Variants in HPCAL1 observed in about 807,000 individuals in gnomAD.
HPCAL1 encodes hippocalcin-like protein 1.
A neutral mutation model predicts 17.1 loss-of-function variants in HPCAL1; 8 were observed. The ratio of observed to expected loss-of-function variants is 0.47; its 90% CI spans 0.27 to 0.84. The LOEUF (loss-of-function observed/expected upper bound fraction) is 0.84, where lower values mean the gene tolerates loss of function less well. Among genes scored for constraint, HPCAL1 ranks in the 40% least tolerant of loss-of-function variants. The pLI, the probability that HPCAL1 is intolerant of heterozygous loss-of-function variation, is 0.13. For missense variants in HPCAL1, 165 were observed against 271.1 expected (o/e 0.61, Z 2.75); for synonymous variants, 112 against 111.4 (o/e 1.01, Z -0.03).
intron 2 of HPCAL1, among the ~76,000 whole-genome samples, chr2:10,400,112 G>C (rs1669502900): frequency 6.6e-6 from 1 of 152,204 alleles, no homozygotes; most frequent in Non-Finnish European, 1.5e-5. Context: ...CCTGCAGGAG[G>C]TCAGGGACGG....
intron 2 of HPCAL1, among the ~76,000 whole-genome samples, chr2:10,415,043 T>C (rs143110343): frequency 1.3e-5 from 2 of 152,320 alleles, no homozygotes; most frequent in Non-Finnish European, 2.9e-5. Context: ...ATGGGCCCTT[T>C]TGAAGCCTAG....
rs1249077077 is a variant in HPCAL1, at chr2:10,303,452, C to A, written c.-111+275C>A. Among the ~76,000 whole-genome samples, 3 of 152,010 alleles carry A rather than the reference C, an allele frequency of 2.0e-5. No individual in the cohort carries two copies. In the East Asian group the frequency reaches 5.8e-4, roughly 29 times the overall value. ...GCGTTTGTGGAATTGTGTGTCGGGG[C>A]GCAGTTGCTGGTGGGGAGCGGTGCC... On this transcript the variant is annotated intron_variant, in intron 1 of 4. Transcript: ENST00000307845.
At chr2:10,320,133 G>A (rs187589185) in intron 1 of HPCAL1, among the ~76,000 whole-genome samples, 1 of 152,250 alleles carries the variant, frequency 6.6e-6, no homozygotes, top group East Asian at 1.9e-4. Flanking sequence ...GCACTGCTGG[G>A]CCACTGATGC....
At chr2:10,326,615 G>A (rs1052404203) in intron 1 of HPCAL1, among the ~76,000 whole-genome samples, 8 of 152,344 alleles carry the variant, frequency 5.3e-5, no homozygotes, top group Admixed American at 4.6e-4. Context: ...CTGGGTTAAG[G>A]TGGGAATCAA....
intron 1 of HPCAL1, among the ~76,000 whole-genome samples, chr2:10,316,622 T>C (rs1179807813): frequency 1.3e-5 from 2 of 152,140 alleles, no homozygotes; most frequent in Non-Finnish European, 2.9e-5. Flanking sequence ...CAGTGGAAAG[T>C]TATGAAGATG....
At chr2:10,318,960 G>A (rs1450930024) in intron 1 of HPCAL1, among the ~76,000 whole-genome samples, 1 of 152,192 alleles carries the variant, frequency 6.6e-6, no homozygotes, top group Non-Finnish European at 1.5e-5. Context: ...CGGCCTTGTA[G>A]CGTCTATATC....
rs569725768 is a variant in HPCAL1 at position 10,399,763 on chromosome 2, G to C, written c.-25+2843G>C. On this transcript the variant is annotated intron_variant, in intron 2 of 4. Transcript: ENST00000307845. ...ACAGCAGGCCGCTCCCCGGGCAGTG[G>C]AGAAGCAGCACCTGCATACTAAGGC... 2.5e-4 allele frequency among the ~76,000 whole-genome samples: 38 copies of C among 152,270 alleles called. 2 individuals are homozygous for C. Among genetic ancestry groups the C allele is most frequent in the South Asian group, 2.1e-3 (10 of 4,826 alleles).
In HPCAL1 at chr2:10,344,936, A is replaced by T. The variant is rs1413881696; in HGVS notation, c.-111+41759A>T. On this transcript the variant is annotated intron_variant, in intron 1 of 4. Coordinates refer to ENST00000307845, the MANE Select transcript of HPCAL1 (RefSeq NM_002149.4). This position sits in a 1 kb window ranked among gnomAD's most constrained non-coding sequence, Gnocchi z 4.9. ...GTGTGTCTCTCTCTCTGTGCCTTTC[A>T]GTCTCTTTCTGCCTCTCTCTATGTG... Among the ~76,000 whole-genome samples, 547 of 58,784 alleles carry T rather than the reference A, an allele frequency of 9.3e-3. No individual in the cohort carries two copies. The highest frequency in any genetic ancestry group is 0.027 in the Middle Eastern group (2 of 74). The allele number at this position is 58,784 out of a possible 152,430, so 38.6% of individuals were successfully genotyped here.
rs1264947027 is a variant in HPCAL1, at chr2:10,323,498, G to A, written c.-111+20321G>A. Among the ~76,000 whole-genome samples the A allele has an allele frequency of 1.3e-5, 2 of 152,240 alleles. No individual in the cohort carries two copies. Among genetic ancestry groups the A allele is most frequent in the African/African-American group, 4.8e-5 (2 of 41,454 alleles). Reference sequence around the variant, plus strand: ...TGGGCGCACGTTAGGTGGGATTGCTGAAGACAATGGGTGACTGAGGCAGTT... The same window carrying A: ...TGGGCGCACGTTAGGTGGGATTGCTAAAGACAATGGGTGACTGAGGCAGTT... On this transcript the variant is annotated intron_variant, in intron 1 of 4. Coordinates refer to ENST00000307845, the MANE Select transcript of HPCAL1 (RefSeq NM_002149.4). This position sits in a 1 kb window ranked among gnomAD's most constrained non-coding sequence, Gnocchi z 4.6.
In HPCAL1 at chr2:10,351,623, G is replaced by T. The variant is rs528556286; in HGVS notation, c.-110-45212G>T. ...AAAAGAAAAAAATTAGCCAGGTGTG[G>T]TGGTGTGTGCCTGTGGTCCCAGCTA... On this transcript the variant is annotated intron_variant, in intron 1 of 4. Transcript: ENST00000307845. 4.6e-5 allele frequency among the ~76,000 whole-genome samples: 7 copies of T among 152,154 alleles called. No homozygotes were observed. The South Asian group carries it at 1.5e-3, about 32-fold the overall frequency.
chr2:10,356,368 G>A (rs1666155271), intron 1 of HPCAL1, among the ~76,000 whole-genome samples: 1 of 152,150 alleles, frequency 6.6e-6, no homozygotes, highest in African/African-American at 2.4e-5. Flanking sequence ...GGACTGGGGA[G>A]GTGGTAGTTT....
chr2:10,382,481 TAACA>T (rs1403720392), intron 1 of HPCAL1, among the ~76,000 whole-genome samples: 3 of 150,932 alleles, frequency 2.0e-5, no homozygotes, highest in Admixed American at 6.6e-5. Flanking sequence ...TCATCCGTTG[TAACA>T]AACAGCCACC....
chr2:10,309,275 C>T (rs1308369835), intron 1 of HPCAL1, among the ~76,000 whole-genome samples: 2 of 152,144 alleles, frequency 1.3e-5, no homozygotes, highest in African/African-American at 4.8e-5. Context: ...CTCAAATAAT[C>T]CTCCAGCCTT....
chr2:10,422,925 G>A (rs1671154032), intron 3 of HPCAL1, 58 bp from the exon 4 acceptor site: 2 of 1,283,788 alleles, frequency 1.6e-6, no homozygotes, highest in Admixed American at 1.8e-5. Flanking sequence ...GCCCACCCTT[G>A]CTGCACCCGC....
intron 1 of HPCAL1, among the ~76,000 whole-genome samples, chr2:10,368,305 T>C (rs886951106): frequency 1.3e-5 from 2 of 151,760 alleles, no homozygotes; most frequent in Non-Finnish European, 2.9e-5. Flanking sequence ...TGCATGTGTG[T>C]GCACATATGC....
intron 1 of HPCAL1, among the ~76,000 whole-genome samples, chr2:10,358,674 C>A (rs1214180903): frequency 6.6e-6 from 1 of 152,174 alleles, no homozygotes; most frequent in Non-Finnish European, 1.5e-5. Context: ...GGCACGCTGG[C>A]AGGCCACTGA....
At chr2:10,316,777 T>C (rs1177757795) in intron 1 of HPCAL1, among the ~76,000 whole-genome samples, 2 of 152,236 alleles carry the variant, frequency 1.3e-5, no homozygotes, top group Non-Finnish European at 2.9e-5. Context: ...TGCTACTCAC[T>C]CAGTGGCTGC....
chr2:10,403,489 T>C (rs1669770051), intron 2 of HPCAL1, among the ~76,000 whole-genome samples: 1 of 145,230 alleles, frequency 6.9e-6, no homozygotes, highest in Non-Finnish European at 1.5e-5. Flanking sequence ...TGTGTGTGTG[T>C]GTGTGTGTGT....
At position 10,331,488 on chromosome 2, in the gene HPCAL1, G is replaced by A. The variant is rs963855779; in HGVS notation, c.-111+28311G>A. 1.3e-5 allele frequency among the ~76,000 whole-genome samples: 2 copies of A among 152,218 alleles called. No homozygotes were observed. Among genetic ancestry groups the A allele is most frequent in the Admixed American group, 6.5e-5 (1 of 15,284 alleles). On this transcript the variant is annotated intron_variant, in intron 1 of 4. Coordinates refer to ENST00000307845, the MANE Select transcript of HPCAL1 (RefSeq NM_002149.4). The surrounding 1 kb of genome is among the most constrained non-coding windows in gnomAD (Gnocchi z 5.0). ...CAGGAGACACTCAGGAAACCTTGCTGGTGGAACGGATGCAGCAGCGAGGTT... is the reference window on the plus strand; with the variant it reads ...CAGGAGACACTCAGGAAACCTTGCTAGTGGAACGGATGCAGCAGCGAGGTT...
Sources: gnomAD v4.1 joint callset for allele counts (sites outside exome capture counted in the v4.1 genomes callset) on GRCh38, gnomAD v4.1.1 for gene constraint, Gnocchi (gnomAD v3.1) non-coding constraint, MANE v1.5 for transcripts, NCBI Gene and HGNC (gene_info 2026-07-23, HGNC 2026-07-21) for gene names.